The following R3HDM1 variants were observed in gnomAD, a reference collection of about 807,000 sequenced individuals.
R3HDM1 encodes the protein R3H domain containing 1, also known as R3H domain-containing protein 1.
A neutral mutation model predicts 141.1 loss-of-function variants in R3HDM1; 46 were observed. The ratio of observed to expected loss-of-function variants is 0.33; its 90% CI spans 0.26 to 0.42. The LOEUF (loss-of-function observed/expected upper bound fraction) is 0.42. R3HDM1 is among the 10% of genes least tolerant of loss of function. R3HDM1 has a pLI of 1.00. For missense variants in R3HDM1, 1,184 were observed against 1,368.3 expected, an observed-to-expected ratio of 0.87 and a Z score of 2.12; for synonymous variants, 435 against 472.9, an observed-to-expected ratio of 0.92 and a Z score of 1.04.
In R3HDM1 at chr2:135,651,980, T is replaced by G. The variant is rs2065197844; in HGVS notation, c.1976T>G (p.Val659Gly). 6.2e-7 allele frequency: 1 copy of G among 1,611,618 alleles called. No homozygotes were observed. The highest frequency in any genetic ancestry group is 1.3e-5 in the African/African-American group (1 of 75,038). ...GGATATCCTGCCTCTGGTCATCCTG[T>G]CAGCCAGCCTGTGCTCCAGCAGCAG... ...TAGYPASGHP[V>G]SQPVLQQQGY... The change falls in exon 18 of 27, where the codon GTC becomes GGC. Residue 659 changes from valine (V) to glycine (G), a missense_variant. This residue lies in a region of R3HDM1 where 563 missense variants were observed against 562.0 expected (regional missense o/e 1.00). Coordinates refer to ENST00000683871, the MANE Select transcript of R3HDM1 (RefSeq NM_001378107.1).
At chr2:135,653,499 T>C (rs2065389978) in intron 18 of R3HDM1, among the ~76,000 whole-genome samples, 1 of 152,214 alleles carries the variant, frequency 6.6e-6, no homozygotes, top group African/African-American at 2.4e-5. Flanking sequence ...ATTTTGGTGC[T>C]ATCCACAAAT....
At chr2:135,673,021 C>T (rs1220058437) in intron 19 of R3HDM1, among the ~76,000 whole-genome samples, 6 of 152,264 alleles carry the variant, frequency 3.9e-5, no homozygotes, top group Middle Eastern at 3.4e-3. Flanking sequence ...GCAAGAGAAT[C>T]GCTTGAACCC....
intron 21 of R3HDM1, among the ~76,000 whole-genome samples, chr2:135,709,000 A>G (rs1030013407): frequency 4.6e-5 from 7 of 151,628 alleles, no homozygotes; most frequent in Non-Finnish European, 5.9e-5. Flanking sequence ...AAAATACAGC[A>G]GTAACTTAAT....
At chr2:135,648,644 T>G (rs979494049) in intron 16 of R3HDM1, among the ~76,000 whole-genome samples, 4 of 152,172 alleles carry the variant, frequency 2.6e-5, no homozygotes, top group African/African-American at 9.7e-5. Flanking sequence ...AGTGGGTTGC[T>G]ATAGTCTTTA....
intron 17 of R3HDM1, chr2:135,651,122 A>C: frequency 2.0e-6 from 2 of 985,428 alleles, no homozygotes; most frequent in Non-Finnish European, 2.4e-6. Context: ...ACATTTGTCA[A>C]ATTATCTGAC....
chr2:135,656,336 A>G (rs751104326), intron 18 of R3HDM1: 1 of 151,932 alleles, frequency 6.6e-6, no homozygotes. Context: ...GTGTCATTAG[A>G]CCCTTTAAAT....
intron 21 of R3HDM1, 131 bp downstream of exon 21, chr2:135,680,455 A>G (rs1055030551): frequency 7.0e-6 from 7 of 1,002,520 alleles, no homozygotes; most frequent in Middle Eastern, 2.2e-4. Context: ...GAAAAAAACT[A>G]TAATACAGTA....
chr2:135,572,044 C>T (rs1317988830), intron 1 of R3HDM1, among the ~76,000 whole-genome samples: 3 of 152,170 alleles, frequency 2.0e-5, no homozygotes, highest in African/African-American at 7.2e-5. Context: ...CAACCTCCAC[C>T]TCCCGGGTTC....
chr2:135,578,830 A>G (rs1706107123), intron 1 of R3HDM1, among the ~76,000 whole-genome samples: 1 of 152,208 alleles, frequency 6.6e-6, no homozygotes, highest in African/African-American at 2.4e-5. Context: ...TGAAAGTCAG[A>G]CTTCTCATTG....
At chr2:135,547,861 C>T (rs1699065069) in intron 1 of R3HDM1, among the ~76,000 whole-genome samples, 1 of 147,456 alleles carries the variant, frequency 6.8e-6, no homozygotes, top group Admixed American at 6.9e-5. Flanking sequence ...GCAATCTCCA[C>T]TTCCCAGGTT....
chr2:135,611,122 A>T (rs755399984), intron 3 of R3HDM1, among the ~76,000 whole-genome samples: 64 of 140,898 alleles, frequency 4.5e-4, no homozygotes, highest in South Asian at 4.1e-3. Flanking sequence ...AATAAAATTT[A>T]AAAAAAAAAA....
chr2:135,585,856 T>G (rs574516047), intron 1 of R3HDM1, among the ~76,000 whole-genome samples: 3 of 152,304 alleles, frequency 2.0e-5, no homozygotes, highest in East Asian at 3.9e-4. Flanking sequence ...AAAAACAGAT[T>G]AAGAAATAAG....
chr2:135,553,375 A>G (rs1420480278), intron 1 of R3HDM1, among the ~76,000 whole-genome samples: 1 of 152,200 alleles, frequency 6.6e-6, no homozygotes, highest in African/African-American at 2.4e-5. Context: ...TGTTGTGGCA[A>G]AAGGCAAACA....
chr2:135,570,998 G>A (rs1703973449), intron 1 of R3HDM1, among the ~76,000 whole-genome samples: 1 of 152,106 alleles, frequency 6.6e-6, no homozygotes. Context: ...ATACTTATTA[G>A]CATTTTTTAT....
At chr2:135,690,160 A>C (rs1329027887) in intron 21 of R3HDM1, among the ~76,000 whole-genome samples, 1 of 151,964 alleles carries the variant, frequency 6.6e-6, no homozygotes, top group African/African-American at 2.4e-5. Flanking sequence ...GTATTTCTCT[A>C]GTGTCCCTTT....
chr2:135,680,258 C>T lies in R3HDM1; in HGVS notation c.2393C>T (p.Ser798Phe). The change falls in exon 21 of 27, where the codon TCT becomes TTT. Residue 798 changes from serine (S) to phenylalanine (F), a missense_variant. By Grantham distance (155) the Ser-to-Phe change is radical (BLOSUM62 -2). Coordinates refer to ENST00000683871, the MANE Select transcript of R3HDM1 (RefSeq NM_001378107.1). The stretch of plus-strand genomic sequence containing the variant: ...TTCCCTAATCAGTCTAATCAAGGAT[C>T]TATGCCCACAACAGGAATGCCTGTT... ...VMFPNQSNQG[S>F]MPTTGMPVYY... is the part of the protein sequence containing the mutation. 6.2e-7 allele frequency: 1 copy of T among 1,613,914 alleles called. No homozygotes were observed.
Position 135,628,009 on chromosome 2 carries a change from A to G in R3HDM1, c.498-3709A>G, listed in dbSNP as rs151024425. On this transcript the variant is annotated intron_variant, in intron 7 of 26. Transcript: ENST00000683871. ...ATTAGCTTGTTTTTATTACTTCTTT[A>G]ATAATTAACAGCATGTATCAGTTCA... 1.1e-4 allele frequency among the ~76,000 whole-genome samples: 16 copies of G among 152,278 alleles called. No homozygotes were observed. The East Asian group carries it at 2.9e-3, about 27-fold the overall frequency.
At position 135,651,914 on chromosome 2, in the gene R3HDM1, C is replaced by A; in HGVS notation, c.1910C>A (p.Pro637His). The A allele has an allele frequency of 1.2e-6, 2 of 1,613,974 alleles. No individual in the cohort carries two copies. The highest frequency in any genetic ancestry group is 1.7e-6 in the Non-Finnish European group (2 of 1,179,940). The change falls in exon 18 of 27, where the codon CCT (proline) becomes CAT (histidine). Residue 637 changes from proline (P) to histidine (H), a missense_variant. By Grantham distance (77) the Pro-to-His change is moderately conservative. Coordinates refer to ENST00000683871, the MANE Select transcript of R3HDM1 (RefSeq NM_001378107.1). ...HPPPPPPPPPPPPPLPPGQPV... is the reference protein window; with the variant it reads ...HPPPPPPPPPHPPPLPPGQPV... ...CCTCCACCGCCACCACCACCACCTC[C>A]TCCTCCTCCCCTACCACCTGGGCAG...
chr2:135,650,881 GT>G, intron 17 of R3HDM1: 1 of 985,308 alleles, frequency 1.0e-6, no homozygotes. Flanking sequence ...ATTTTTTTCA[GT>G]GTTGACCTTT....
Sources: gnomAD v4.1 joint callset for allele counts (sites outside exome capture counted in the v4.1 genomes callset) on GRCh38, gnomAD v4.1.1 for gene constraint, gnomAD v4.1.1 regional missense constraint, MANE v1.5 for transcripts, NCBI Gene and HGNC (gene_info 2026-07-23, HGNC 2026-07-21) for gene names.